The following GAS2 variants were observed in gnomAD, a reference collection of about 807,000 sequenced individuals.
GAS2 encodes growth arrest specific 2, also known as growth arrest-specific protein 2.
Under a neutral mutation model 37.5 loss-of-function variants are expected in GAS2, and 20 were observed. The observed-to-expected ratio is 0.53, with a 90% CI of 0.37 to 0.77. GAS2 has a LOEUF of 0.77. Ranked by LOEUF, GAS2 falls within the 30% of genes least tolerant of loss-of-function variation. The pLI is 0.00. For synonymous variants in GAS2, 144 were observed against 132.2 expected, an observed-to-expected ratio of 1.09 and a Z score of -0.61; for missense variants, 336 against 373.4, an observed-to-expected ratio of 0.90 and a Z score of 0.82.
At chr11:22,729,087 A>G (rs371689231) in intron 4 of GAS2, among the ~76,000 whole-genome samples, 1 of 151,466 alleles carries the variant, frequency 6.6e-6, no homozygotes, top group African/African-American at 2.4e-5. Flanking sequence ...GATGAAGCAC[A>G]TCCTTTGTGT....
chr11:22,703,734 C>T (rs560653477), intron 3 of GAS2, among the ~76,000 whole-genome samples: 2 of 152,176 alleles, frequency 1.3e-5, no homozygotes, highest in Non-Finnish European at 2.9e-5. Context: ...ATATATAGAG[C>T]TCTTCAACTG....
chr11:22,756,980 T>G (rs542777048), intron 7 of GAS2, among the ~76,000 whole-genome samples: 8 of 152,274 alleles, frequency 5.3e-5, no homozygotes, highest in African/African-American at 1.9e-4. Context: ...AATAGTGATC[T>G]AGAATCTCCA....
chr11:22,682,869 TAAA>T (rs371098220), intron 2 of GAS2, among the ~76,000 whole-genome samples: 1 of 78,944 alleles, frequency 1.3e-5, no homozygotes, highest in African/African-American at 5.8e-5. Context: ...CACTTTCTGC[TAAA>T]AAAAAAAAAA....
intron 5 of GAS2, among the ~76,000 whole-genome samples, chr11:22,741,843 A>T (rs958161510): frequency 4.6e-5 from 7 of 152,140 alleles, no homozygotes; most frequent in African/African-American, 1.7e-4. Flanking sequence ...GGAATCTATA[A>T]ACTGTCTGTT....
intron 7 of GAS2, among the ~76,000 whole-genome samples, chr11:22,778,783 A>G (rs576003568): frequency 5.9e-5 from 9 of 152,330 alleles, no homozygotes; most frequent in African/African-American, 1.9e-4. Context: ...AGGCTTTTCC[A>G]AGTGCCATGA....
chr11:22,758,907 C>A (rs1854201833), intron 7 of GAS2, among the ~76,000 whole-genome samples: 1 of 3,154 alleles, frequency 3.2e-4, no homozygotes. Context: ...GAGCAAAACT[C>A]CGTCTCAAAA....
intron 7 of GAS2, among the ~76,000 whole-genome samples, chr11:22,794,110 A>ATTT (rs3049473): frequency 1.7e-3 from 254 of 149,638 alleles, no homozygotes; most frequent in East Asian, 4.1e-3. Flanking sequence ...TAATAAAACA[A>ATTT]TTTTTTTTTT....
upstream of GAS2, among the ~76,000 whole-genome samples, chr11:22,662,213 C>G (rs1848923809): frequency 6.6e-6 from 1 of 152,182 alleles, no homozygotes; most frequent in South Asian, 2.1e-4. Flanking sequence ...GTGACACAGA[C>G]TGACCTCATT....
Position 22,766,357 on chromosome 11 carries a change from T to C in GAS2, c.723+10404T>C, listed in dbSNP as rs139917247. On this transcript the variant is annotated intron_variant, in intron 7 of 7. Transcript: ENST00000454584. ...AAATTGCTTGTCAGAGATTACACAG[T>C]AAGTGTCAAAGCCTTTATTTGAATT... Among the ~76,000 whole-genome samples, 1,005 of 152,222 alleles carry C rather than the reference T, an allele frequency of 6.6e-3. 3 individuals carry two copies. Among genetic ancestry groups the C allele is most frequent in the Non-Finnish European group, 0.011 (717 of 68,006 alleles).
rs145107348 is a variant in GAS2, at chr11:22,742,690, G to A, written c.473+4922G>A. Among the ~76,000 whole-genome samples, 215 of 152,122 alleles carry A rather than the reference G, an allele frequency of 1.4e-3. 3 individuals carry two copies. Among genetic ancestry groups the A allele is most frequent in the African/African-American group, 4.5e-3 (186 of 41,512 alleles). On this transcript the variant is annotated intron_variant, in intron 5 of 7. Coordinates refer to ENST00000454584, the MANE Select transcript of GAS2 (RefSeq NM_001143830.3). ...AGATAAAGAAAAATCTCCAGAGAAA[G>A]GTTTTCCATGTGTGACTTTGTTACC... is the stretch of plus-strand genomic sequence containing the variant.
At chr11:22,731,401 G>T (rs1041879564) in intron 4 of GAS2, 9 of 440,058 alleles carry the variant, frequency 2.0e-5, no homozygotes, top group Non-Finnish European at 4.1e-5. Context: ...AAAAGGGTTT[G>T]CTATCTGCGG....
intron 7 of GAS2, among the ~76,000 whole-genome samples, chr11:22,792,823 A>G (rs1432021614): frequency 6.6e-6 from 1 of 152,252 alleles, no homozygotes; most frequent in Non-Finnish European, 1.5e-5. Context: ...GAAGACTGAA[A>G]AATTTGGAAG....
intron 1 of GAS2, among the ~76,000 whole-genome samples, chr11:22,645,508 T>C (rs569186681): frequency 6.7e-6 from 1 of 149,850 alleles, no homozygotes; most frequent in Middle Eastern, 3.2e-3. Context: ...GTCTTAAAAA[T>C]ATATATATAT....
intron 7 of GAS2, among the ~76,000 whole-genome samples, chr11:22,761,824 A>G (rs1854409736): frequency 6.6e-6 from 1 of 152,140 alleles, no homozygotes; most frequent in Non-Finnish European, 1.5e-5. Flanking sequence ...GGTAATAAGC[A>G]TTGGAAGTGG....
intron 7 of GAS2, among the ~76,000 whole-genome samples, chr11:22,802,045 T>C (rs1033947023): frequency 6.6e-6 from 1 of 152,054 alleles, no homozygotes; most frequent in African/African-American, 2.4e-5. Context: ...TTGAGACATA[T>C]TGATTCTTTC....
chr11:22,766,655 T>TAAC (rs1310972685), intron 7 of GAS2, among the ~76,000 whole-genome samples: 1 of 152,112 alleles, frequency 6.6e-6, no homozygotes, highest in Non-Finnish European at 1.5e-5. Flanking sequence ...ACAGCCTCAA[T>TAAC]AACAACAACA....
At chr11:22,635,266 A>G (rs556799824) in intron 1 of GAS2, among the ~76,000 whole-genome samples, 28 of 152,344 alleles carry the variant, frequency 1.8e-4, no homozygotes, top group African/African-American at 6.7e-4. Context: ...ATGGCCTCCC[A>G]CATGCCAGCA....
chr11:22,669,106 A>G (rs1849101555), intron 1 of GAS2, among the ~76,000 whole-genome samples: 1 of 152,206 alleles, frequency 6.6e-6, no homozygotes, highest in Non-Finnish European at 1.5e-5. Flanking sequence ...ATGTGTATAT[A>G]TTTCCACAGA....
chr11:22,693,804 T>C (rs973710073), intron 3 of GAS2, among the ~76,000 whole-genome samples: 13 of 152,196 alleles, frequency 8.5e-5, no homozygotes, highest in Non-Finnish European at 1.3e-4. Flanking sequence ...AAGCTTTATA[T>C]AAAGACTTGA....
Sources: allele counts gnomAD v4.1 joint callset (sites outside exome capture counted in the v4.1 genomes callset), GRCh38; gene constraint gnomAD v4.1.1; transcripts MANE v1.5; gene names NCBI Gene and HGNC (gene_info 2026-07-23, HGNC 2026-07-21).